PTPRT: variants seen among roughly 807,000 people sequenced by gnomAD.
The protein encoded by PTPRT is receptor-type tyrosine-protein phosphatase T.
PTPRT carries 56 observed loss-of-function variants against 176.8 expected under a neutral mutation model. That is an observed-to-expected ratio of 0.32 (90% confidence interval 0.26 to 0.40). The LOEUF is 0.40. Ranked by LOEUF, PTPRT falls within the 10% of genes least tolerant of loss-of-function variation. The pLI is 1.00. For missense variants in PTPRT, 1,540 were observed against 1,908.2 expected (o/e 0.81, Z 3.60); for synonymous variants, 783 against 739.0 (o/e 1.06, Z -0.96).
At chr20:43,007,814 T>C (rs1984928401) in intron 1 of PTPRT, among the ~76,000 whole-genome samples, 2 of 152,334 alleles carry the variant, frequency 1.3e-5, no homozygotes, top group Admixed American at 6.5e-5. Flanking sequence ...AGCATAGTTG[T>C]TGATACTTCA....
Position 42,073,800 on chromosome 20 carries a change from A to G in PTPRT, c.*7079T>C, listed in dbSNP as rs1277830429. The G allele has an allele frequency of 1.3e-5, 3 of 223,920 alleles. No individual in the cohort carries two copies. The East Asian group carries it at 1.9e-4, about 14-fold the overall frequency. The allele number at this position is 223,920 out of a possible 1,614,324, so 13.9% of individuals were successfully genotyped here. A position where few individuals can be genotyped will look rare whatever the true frequency, so the allele number is the denominator to read the frequency against. On this transcript the variant is annotated 3_prime_UTR_variant, in exon 31 of 31. Transcript: ENST00000373187. The stretch of plus-strand genomic sequence containing the variant: ...CTACTTGGATTCGTGCTCTACAGGT[A>G]TGAATGAGTTCAAACATGATCCCAG...
intron 15 of PTPRT, among the ~76,000 whole-genome samples, chr20:42,234,142 A>C (rs1446186470): frequency 6.6e-6 from 1 of 152,168 alleles, no homozygotes; most frequent in Non-Finnish European, 1.5e-5. Flanking sequence ...AGGGGCTCCC[A>C]GGGACTACTA....
At chr20:42,048,917 G>A in the PTPRT span, among the ~76,000 whole-genome samples, 1 of 152,130 alleles carries the variant, frequency 6.6e-6, no homozygotes, top group Non-Finnish European at 1.5e-5. Context: ...TGCCTCCCGG[G>A]TTCAAGCAAT....
At chr20:42,513,735 G>T (rs2072005025) in intron 7 of PTPRT, among the ~76,000 whole-genome samples, 2 of 152,088 alleles carry the variant, frequency 1.3e-5, no homozygotes. Flanking sequence ...CCACTTTGCT[G>T]CACTCTTCTA....
intron 2 of PTPRT, among the ~76,000 whole-genome samples, chr20:42,803,764 G>C (rs2077565152): frequency 6.6e-6 from 1 of 151,990 alleles, no homozygotes; most frequent in Non-Finnish European, 1.5e-5. Context: ...ATGTTGGCCA[G>C]GTTGGTCTAG....
intron 7 of PTPRT, among the ~76,000 whole-genome samples, chr20:42,517,691 T>G (rs1424548521): frequency 6.6e-6 from 1 of 152,060 alleles, no homozygotes; most frequent in African/African-American, 2.4e-5. Flanking sequence ...AATAGTTTCA[T>G]TATCATTAAG....
chr20:42,033,521 A>T, the PTPRT span, among the ~76,000 whole-genome samples: 1 of 152,098 alleles, frequency 6.6e-6, no homozygotes, highest in Admixed American at 6.6e-5. Flanking sequence ...TCTGAGGTGG[A>T]TCCTCCCTCT....
chr20:42,109,276 G>C (rs1251608076), intron 23 of PTPRT, among the ~76,000 whole-genome samples: 1 of 152,196 alleles, frequency 6.6e-6, no homozygotes, highest in Non-Finnish European at 1.5e-5. Context: ...AAGCATCCAG[G>C]GTCTGAAAAG....
intron 7 of PTPRT, among the ~76,000 whole-genome samples, chr20:42,487,063 T>C (rs955546240): frequency 2.6e-5 from 4 of 152,208 alleles, no homozygotes; most frequent in African/African-American, 9.6e-5. Context: ...CTTCACATAG[T>C]ACAGGCTTGA....
chr20:42,976,412 T>A (rs914452904), intron 1 of PTPRT, among the ~76,000 whole-genome samples: 40 of 152,154 alleles, frequency 2.6e-4, no homozygotes, highest in Non-Finnish European at 4.9e-4. Flanking sequence ...TATTTATTTT[T>A]TTTTTTTTAT....
At chr20:42,777,046 A>G (rs1421474230) in intron 4 of PTPRT, among the ~76,000 whole-genome samples, 1 of 151,984 alleles carries the variant, frequency 6.6e-6, no homozygotes, top group Non-Finnish European at 1.5e-5. Context: ...TGATGAATGG[A>G]TGTCTCTCAG....
At position 42,124,097 on chromosome 20, in the gene PTPRT, C is replaced by T. The variant is rs75817121; in HGVS notation, c.2848-4126G>A. ...ACCCTCCTTGGCTTCCAAAAACCCA[C>T]GCAGTCCCCAAAGAGAAAACATTCT... is the stretch of plus-strand genomic sequence containing the variant. On this transcript the variant is annotated intron_variant, in intron 19 of 30. Coordinates refer to ENST00000373187, the MANE Select transcript of PTPRT (RefSeq NM_007050.6). 8.2e-3 allele frequency among the ~76,000 whole-genome samples: 1,251 copies of T among 152,290 alleles called. 11 individuals carry two copies. Among genetic ancestry groups the T allele is most frequent in the African/African-American group, 0.029 (1,189 of 41,554 alleles).
At chr20:42,427,646 A>G (rs564126563) in intron 9 of PTPRT, among the ~76,000 whole-genome samples, 1 of 152,206 alleles carries the variant, frequency 6.6e-6, no homozygotes, top group East Asian at 1.9e-4. Context: ...CAAAGGTCTC[A>G]CCTCTTAATA....
intron 1 of PTPRT, among the ~76,000 whole-genome samples, chr20:43,140,369 C>A (rs183533666): frequency 6.6e-6 from 1 of 152,164 alleles, no homozygotes; most frequent in Admixed American, 6.5e-5. Context: ...TGAACACACA[C>A]ACACACAAAA....
chr20:42,562,990 T>C (rs1194983903), intron 7 of PTPRT, among the ~76,000 whole-genome samples: 1 of 152,190 alleles, frequency 6.6e-6, no homozygotes, highest in Non-Finnish European at 1.5e-5. Context: ...GAAGTATCTT[T>C]TCATATTCTT....
chr20:42,184,501 T>TTCC (rs754187865), intron 16 of PTPRT, among the ~76,000 whole-genome samples: 209 of 85,068 alleles, frequency 2.5e-3, no homozygotes, highest in East Asian at 5.6e-3. Context: ...TCCTCCCCCC[T>TTCC]TCCTCCTCCT....
chr20:42,963,198 C>T (rs182047238), intron 1 of PTPRT, among the ~76,000 whole-genome samples: 68 of 147,248 alleles, frequency 4.6e-4, no homozygotes, highest in African/African-American at 1.6e-3. Flanking sequence ...GACTCCGTCT[C>T]AAAAAAAAAT....
intron 16 of PTPRT, among the ~76,000 whole-genome samples, chr20:42,183,763 A>C (rs1477211961): frequency 6.6e-6 from 1 of 152,112 alleles, no homozygotes; most frequent in East Asian, 1.9e-4. Context: ...ACTCCCTTAA[A>C]TTTAGGCTAA....
At chr20:43,028,642 G>A (rs1331939878) in intron 1 of PTPRT, among the ~76,000 whole-genome samples, 1 of 152,134 alleles carries the variant, frequency 6.6e-6, no homozygotes, top group African/African-American at 2.4e-5. Context: ...CAGGGGTTCT[G>A]GGCCACCAAC....
Sources: gnomAD v4.1 joint callset for allele counts (sites outside exome capture counted in the v4.1 genomes callset) on GRCh38, gnomAD v4.1.1 for gene constraint, MANE v1.5 for transcripts, NCBI Gene and HGNC (gene_info 2026-07-23, HGNC 2026-07-21) for gene names.